The following MAD1L1 variants were observed in gnomAD, a reference collection of about 807,000 sequenced individuals.
MAD1L1 encodes the protein mitotic arrest deficient 1 like 1, also known as mitotic spindle assembly checkpoint protein MAD1.
A neutral mutation model predicts 96.9 loss-of-function variants in MAD1L1; 95 were observed. That is an observed-to-expected ratio of 0.98 (90% CI 0.83 to 1.16). The LOEUF is 1.16. Ranked by LOEUF, MAD1L1 falls within the 50% of genes most tolerant of loss-of-function variation. The pLI is 0.00. For missense variants in MAD1L1, 1,007 were observed against 954.4 expected (o/e 1.06, Z -0.73); for synonymous variants, 473 against 396.6 (o/e 1.19, Z -2.29).
rs914231376 is a variant in MAD1L1, at chr7:2,103,649, C to T, written c.1074-34311G>A. Among the ~76,000 whole-genome samples, 4 of 152,166 alleles carry T rather than the reference C, an allele frequency of 2.6e-5. No homozygotes were observed. The highest frequency in any genetic ancestry group is 7.2e-5 in the African/African-American group (3 of 41,444). On this transcript the variant is annotated intron_variant, in intron 11 of 18. Transcript: ENST00000265854. This position sits in a 1 kb window ranked among gnomAD's most constrained non-coding sequence, Gnocchi z 4.3. ...GCAGCACAGCCAGAACACTGAGACT[C>T]GATCCCACAGGGGAGAAGGAGGGAG... is the stretch of plus-strand genomic sequence containing the variant.
At chr7:1,870,992 T>G (rs79610527) in intron 18 of MAD1L1, among the ~76,000 whole-genome samples, 1 of 78,534 alleles carries the variant, frequency 1.3e-5, no homozygotes, top group Non-Finnish European at 2.6e-5. Flanking sequence ...ACGCCTGCCA[T>G]GCCGAACCAA....
chr7:1,872,052 C>A (rs1785139883), intron 18 of MAD1L1, among the ~76,000 whole-genome samples: 1 of 152,162 alleles, frequency 6.6e-6, no homozygotes. Context: ...CTCCTGCTGA[C>A]AGATACAGGC....
chr7:2,162,962 C>T (rs896577110), intron 10 of MAD1L1, among the ~76,000 whole-genome samples: 9 of 152,046 alleles, frequency 5.9e-5, no homozygotes, highest in South Asian at 2.1e-4. Flanking sequence ...TGTCATCTTC[C>T]CAGACCTTAC....
intron 1 of MAD1L1, among the ~76,000 whole-genome samples, chr7:2,232,050 C>G (rs147796808): frequency 3.3e-5 from 5 of 152,296 alleles, no homozygotes; most frequent in African/African-American, 9.6e-5. Flanking sequence ...GAGATTGGAA[C>G]TTGGGTCTGT....
chr7:2,214,814 G>A (rs1287213205), intron 9 of MAD1L1, among the ~76,000 whole-genome samples: 1 of 152,164 alleles, frequency 6.6e-6, no homozygotes, highest in Non-Finnish European at 1.5e-5. Context: ...GGTGAAGACA[G>A]AACACCCCCA....
chr7:1,941,866 G>A (rs1193995780), intron 16 of MAD1L1, among the ~76,000 whole-genome samples: 1 of 93,884 alleles, frequency 1.1e-5, no homozygotes, highest in Non-Finnish European at 2.5e-5. Context: ...AGGGAAGTGG[G>A]AGGACAGGCG....
intron 16 of MAD1L1, among the ~76,000 whole-genome samples, chr7:1,946,164 C>A (rs2128469185): frequency 6.6e-6 from 1 of 152,352 alleles, no homozygotes; most frequent in Admixed American, 6.5e-5. Flanking sequence ...CTCAGGGCCA[C>A]CCCTGCCCTC....
chr7:2,013,797 A>G (rs983361483), intron 13 of MAD1L1, among the ~76,000 whole-genome samples: 1 of 150,198 alleles, frequency 6.7e-6, no homozygotes, highest in East Asian at 2.0e-4. Flanking sequence ...TGTAGATGAG[A>G]AGTGTGGATG....
intron 18 of MAD1L1, among the ~76,000 whole-genome samples, chr7:1,865,542 G>C (rs1022121504): frequency 3.9e-5 from 6 of 152,268 alleles, no homozygotes; most frequent in African/African-American, 9.6e-5. Flanking sequence ...GGAGCAGCCA[G>C]ATGGGAAGAT....
chr7:2,226,969 A>G (rs1417822721), intron 3 of MAD1L1, among the ~76,000 whole-genome samples: 1 of 150,154 alleles, frequency 6.7e-6, no homozygotes, highest in East Asian at 2.0e-4. Flanking sequence ...CCTGGATGAC[A>G]GGGCAAGAGT....
At chr7:2,018,627 C>T (rs1782647680) in intron 12 of MAD1L1, among the ~76,000 whole-genome samples, 1 of 152,208 alleles carries the variant, frequency 6.6e-6, no homozygotes, top group South Asian at 2.1e-4. Context: ...AGGCAGGCAG[C>T]TCCATATGCA....
chr7:1,887,645 A>G (rs180912014), intron 18 of MAD1L1, among the ~76,000 whole-genome samples: 167 of 131,906 alleles, frequency 1.3e-3, no homozygotes, highest in Middle Eastern at 6.5e-3. Flanking sequence ...GCATGCATGC[A>G]TGTGGGTGCC....
chr7:1,898,697 T>G (rs1562502777), intron 17 of MAD1L1, among the ~76,000 whole-genome samples: 1 of 152,192 alleles, frequency 6.6e-6, no homozygotes, highest in Non-Finnish European at 1.5e-5. Context: ...GCCCTCGGCC[T>G]GCAGAATGAC....
At chr7:2,047,613 A>G (rs1050022002) in intron 12 of MAD1L1, among the ~76,000 whole-genome samples, 1 of 152,234 alleles carries the variant, frequency 6.6e-6, no homozygotes, top group African/African-American at 2.4e-5. Context: ...TCTCGTGGGA[A>G]AAGAAGCCAA....
At chr7:1,931,064 T>A (rs1428551623) in intron 17 of MAD1L1, among the ~76,000 whole-genome samples, 1 of 133,184 alleles carries the variant, frequency 7.5e-6, no homozygotes, top group Non-Finnish European at 1.6e-5. Flanking sequence ...CACCCCCAAC[T>A]CCTCACCCCA....
At chr7:2,116,649 T>C (rs1222912154) in intron 11 of MAD1L1, among the ~76,000 whole-genome samples, 1 of 149,076 alleles carries the variant, frequency 6.7e-6, no homozygotes, top group Non-Finnish European at 1.5e-5. Context: ...CCATGTGTCA[T>C]ACTGTTGCAG....
chr7:2,033,846 T>G (rs944833390), intron 12 of MAD1L1, among the ~76,000 whole-genome samples: 1 of 152,228 alleles, frequency 6.6e-6, no homozygotes, highest in African/African-American at 2.4e-5. Flanking sequence ...GGCTCACACC[T>G]GCAATCCCAG....
At chr7:2,167,730 TA>T (rs994390654) in intron 10 of MAD1L1, among the ~76,000 whole-genome samples, 19 of 143,944 alleles carry the variant, frequency 1.3e-4, no homozygotes, top group African/African-American at 1.3e-4. Context: ...TTAAAAAAAT[TA>T]AAAAAAAAAA....
At chr7:1,870,915 A>G (rs1785042533) in intron 18 of MAD1L1, among the ~76,000 whole-genome samples, 1 of 145,368 alleles carries the variant, frequency 6.9e-6, no homozygotes. Flanking sequence ...AACACCTGCC[A>G]CGCTGAACCC....
Sources: allele counts gnomAD v4.1 joint callset (sites outside exome capture counted in the v4.1 genomes callset), GRCh38; gene constraint gnomAD v4.1.1; non-coding constraint Gnocchi (gnomAD v3.1); transcripts MANE v1.5; gene names NCBI Gene and HGNC (gene_info 2026-07-23, HGNC 2026-07-21).